The following SEMA3A variants were observed in gnomAD, a reference collection of about 807,000 sequenced individuals.
The protein encoded by SEMA3A is semaphorin 3A, also known as semaphorin-3A.
A neutral mutation model predicts 97.9 loss-of-function variants in SEMA3A; 29 were observed. That is an observed-to-expected ratio of 0.30 (90% confidence interval 0.22 to 0.40). The LOEUF is 0.40. SEMA3A is among the 10% of genes least tolerant of loss of function. The probability of loss-of-function intolerance (pLI) is 1.00; values close to 1 mark genes in which losing one functional copy is unlikely to be tolerated. For missense variants in SEMA3A, 763 were observed against 951.3 expected (o/e 0.80, Z 2.60); for synonymous variants, 321 against 323.7 (o/e 0.99, Z 0.09).
intron 1 of SEMA3A, among the ~76,000 whole-genome samples, chr7:84,183,088 A>G (rs1387039926): frequency 6.6e-6 from 1 of 152,188 alleles, no homozygotes; most frequent in Non-Finnish European, 1.5e-5. Flanking sequence ...ATAGTTATTG[A>G]ATATCTTCTA....
At chr7:84,269,627 C>T (rs911435412) in intron 3 of SEMA3A, among the ~76,000 whole-genome samples, 19 of 152,088 alleles carry the variant, frequency 1.2e-4, no homozygotes, top group Non-Finnish European at 4.4e-5. Context: ...CATCTTGCTT[C>T]TGCAACATGA....
intron 4 of SEMA3A, among the ~76,000 whole-genome samples, chr7:84,081,271 T>C (rs1039075509): frequency 4.0e-5 from 6 of 151,814 alleles, no homozygotes; most frequent in African/African-American, 1.5e-4. Context: ...CTAGGCACTA[T>C]TGAATTTAAA....
At chr7:84,226,531 C>T (rs966634146) in intron 3 of SEMA3A, among the ~76,000 whole-genome samples, 11 of 151,928 alleles carry the variant, frequency 7.2e-5, no homozygotes, top group Non-Finnish European at 1.6e-4. Context: ...TTGTTACCCA[C>T]GAGAGTAACC....
chr7:84,052,043 G>A (rs1402981338), intron 5 of SEMA3A, among the ~76,000 whole-genome samples: 1 of 152,032 alleles, frequency 6.6e-6, no homozygotes, highest in Admixed American at 6.6e-5. Context: ...AACCAGCCTT[G>A]CATCCCAGGG....
At chr7:84,342,023 G>A (rs961322691) in intron 2 of SEMA3A, among the ~76,000 whole-genome samples, 16 of 151,620 alleles carry the variant, frequency 1.1e-4, no homozygotes, top group Non-Finnish European at 2.9e-5. Flanking sequence ...AGTCAGATTC[G>A]TTTGTTCCTT....
chr7:84,043,434 A>C lies in SEMA3A; in HGVS notation c.667+2890T>G, dbSNP rs186036541. 1.8e-3 allele frequency among the ~76,000 whole-genome samples: 267 copies of C among 152,218 alleles called. 1 individual carries two copies. The highest frequency in any genetic ancestry group is 1.9e-3 in the Non-Finnish European group (128 of 67,986). On this transcript the variant is annotated intron_variant, in intron 6 of 16. Coordinates refer to ENST00000265362, the MANE Select transcript of SEMA3A (RefSeq NM_006080.3). The stretch of plus-strand genomic sequence containing the variant: ...AATTAAAAGTCATCTAAAATAGGTG[A>C]ACTGATTCTTCCAAAAGAGTTGAAC...
At chr7:84,159,982 C>T (rs576706323) in intron 1 of SEMA3A, among the ~76,000 whole-genome samples, 84 of 152,050 alleles carry the variant, frequency 5.5e-4, no homozygotes, top group Admixed American at 1.5e-3. Flanking sequence ...AGTTTTCACA[C>T]CAGAAGGAAT....
intron 11 of SEMA3A, among the ~76,000 whole-genome samples, chr7:84,002,335 TA>T (rs1182814898): frequency 1.2e-4 from 18 of 152,012 alleles, no homozygotes; most frequent in Admixed American, 1.2e-3. Context: ...ATACATTTTT[TA>T]AAATATAATA....
chr7:84,217,485 A>C (rs951471667), intron 3 of SEMA3A, among the ~76,000 whole-genome samples: 3 of 152,208 alleles, frequency 2.0e-5, no homozygotes, highest in African/African-American at 7.2e-5. Flanking sequence ...CATTCTAAAC[A>C]TTATGTTATA....
intron 3 of SEMA3A, among the ~76,000 whole-genome samples, chr7:84,294,101 A>T (rs1198760478): frequency 1.3e-5 from 2 of 152,060 alleles, no homozygotes; most frequent in Non-Finnish European, 2.9e-5. Context: ...CCCAGTGATG[A>T]ACATTTTGTA....
chr7:84,463,893 A>T (rs572007784), intron 1 of SEMA3A, among the ~76,000 whole-genome samples: 15 of 152,218 alleles, frequency 9.9e-5, no homozygotes, highest in Admixed American at 5.2e-4. Flanking sequence ...TATATTTTGT[A>T]TGCCACTGTT....
intron 3 of SEMA3A, among the ~76,000 whole-genome samples, chr7:84,254,781 T>C (rs1799680782): frequency 6.6e-6 from 1 of 152,190 alleles, no homozygotes; most frequent in Non-Finnish European, 1.5e-5. Flanking sequence ...TCATTATCCA[T>C]ACTCTGACTT....
At chr7:84,215,706 TGGAATTGTGCCTGGGACATAGTAGG>T (rs1463627124) in intron 3 of SEMA3A, among the ~76,000 whole-genome samples, 1 of 152,238 alleles carries the variant, frequency 6.6e-6, no homozygotes. Context: ...TCCTAGCATT[TGGAATTGTGCCTGGGACATAGTAGG>T]TATCACTAAA....
chr7:84,280,883 G>A (rs915687492), intron 3 of SEMA3A, among the ~76,000 whole-genome samples: 2 of 152,206 alleles, frequency 1.3e-5, no homozygotes, highest in Non-Finnish European at 2.9e-5. Flanking sequence ...CTTTCACATA[G>A]TATATCATTG....
At chr7:84,387,432 G>T (rs1282419047) in intron 1 of SEMA3A, among the ~76,000 whole-genome samples, 3 of 152,122 alleles carry the variant, frequency 2.0e-5, no homozygotes, top group African/African-American at 7.2e-5. Flanking sequence ...AGCGGAAAAG[G>T]GATGGTGAAG....
intron 2 of SEMA3A, among the ~76,000 whole-genome samples, chr7:84,321,872 G>GAAAAAAAAAAAAAAAAAAAAAA (rs1156548285): frequency 2.5e-4 from 3 of 12,066 alleles, no homozygotes; most frequent in East Asian, 2.3e-3. Flanking sequence ...CGAGACTACG[G>GAAAAAAAAAAAAAAAAAAAAAA]AAAAAAAAAA....
intron 6 of SEMA3A, among the ~76,000 whole-genome samples, chr7:84,016,623 C>T (rs547343953): frequency 6.6e-6 from 1 of 152,018 alleles, no homozygotes; most frequent in South Asian, 2.1e-4. Context: ...TTTAACAAGA[C>T]TCTTCCGTCT....
At chr7:84,049,818 C>T (rs1583872422) in intron 5 of SEMA3A, among the ~76,000 whole-genome samples, 1 of 149,258 alleles carries the variant, frequency 6.7e-6, no homozygotes, top group Non-Finnish European at 1.5e-5. Context: ...CACCCACTAA[C>T]TCATCATCTA....
At chr7:83,965,214 C>T (rs886818379) in intron 15 of SEMA3A, among the ~76,000 whole-genome samples, 7 of 151,898 alleles carry the variant, frequency 4.6e-5, no homozygotes, top group Admixed American at 2.0e-4. Flanking sequence ...GCTGGGATTA[C>T]AGGCATGAGC....
Sources: allele counts gnomAD v4.1 joint callset (sites outside exome capture counted in the v4.1 genomes callset), GRCh38; gene constraint gnomAD v4.1.1; transcripts MANE v1.5; gene names NCBI Gene and HGNC (gene_info 2026-07-23, HGNC 2026-07-21).